AGBL4: variants seen among roughly 807,000 people sequenced by gnomAD.
AGBL4 encodes the protein AGBL carboxypeptidase 4.
In AGBL4, 58 loss-of-function variants were observed where a neutral mutation model predicts 66.4. The ratio of observed to expected loss-of-function variants is 0.87; its 90% CI spans 0.71 to 1.09. The LOEUF is 1.09. Ranked by LOEUF, AGBL4 falls within the 50% of genes least tolerant of loss-of-function variation. The probability of loss-of-function intolerance (pLI) is 0.00; values close to 1 mark genes in which losing one functional copy is unlikely to be tolerated. For missense variants in AGBL4, 579 were observed against 631.0 expected (o/e 0.92, Z 0.88); for synonymous variants, 234 against 222.9 (o/e 1.05, Z -0.44).
chr1:49,500,983 C>T (rs191674453), intron 3 of AGBL4, among the ~76,000 whole-genome samples: 2 of 152,178 alleles, frequency 1.3e-5, no homozygotes, highest in East Asian at 3.9e-4. Context: ...ATCATTTTCA[C>T]AATATTAATT....
At chr1:48,804,872 A>T (rs1396658321) in intron 6 of AGBL4, among the ~76,000 whole-genome samples, 1 of 152,158 alleles carries the variant, frequency 6.6e-6, no homozygotes, top group Admixed American at 6.5e-5. Context: ...TTTACATTTC[A>T]GTTATTGTTT....
intron 2 of AGBL4, among the ~76,000 whole-genome samples, chr1:49,823,775 A>G (rs1645430819): frequency 2.6e-5 from 1 of 38,196 alleles, no homozygotes; most frequent in Admixed American, 3.3e-4. Context: ...TTAAGGCTGC[A>G]TAATGTGTGT....
intron 6 of AGBL4, among the ~76,000 whole-genome samples, chr1:48,774,697 C>G (rs893216308): frequency 6.6e-6 from 1 of 152,216 alleles, no homozygotes; most frequent in Non-Finnish European, 1.5e-5. Flanking sequence ...CTACATGTAT[C>G]TTGCTTCTGA....
At position 48,761,902 on chromosome 1, in the gene AGBL4, C is replaced by A. The variant is rs1442670285; in HGVS notation, c.635-98661G>T. Among the ~76,000 whole-genome samples the A allele has an allele frequency of 2.0e-5, 3 of 152,138 alleles. No individual in the cohort carries two copies. In the East Asian group the frequency reaches 5.8e-4, roughly 29 times the overall value. ...AGAACTTGGTGGGTTTCTGTCAGCT[C>A]AAGTGCCAATAGACATGAGAGAGCT... On this transcript the variant is annotated intron_variant, in intron 6 of 13. Transcript: ENST00000371839.
chr1:49,266,591 G>A (rs1455986720), intron 3 of AGBL4, among the ~76,000 whole-genome samples: 1 of 144,066 alleles, frequency 6.9e-6, no homozygotes, highest in Non-Finnish European at 1.5e-5. Context: ...GCCCTTAAGT[G>A]AGGAAAATAA....
intron 4 of AGBL4, among the ~76,000 whole-genome samples, chr1:49,224,619 A>G (rs1219340865): frequency 7.1e-6 from 1 of 141,326 alleles, no homozygotes; most frequent in African/African-American, 2.5e-5. Context: ...TCCCTCTCAA[A>G]AAAAAAAAAA....
chr1:49,124,081 C>A (rs991333823), intron 4 of AGBL4, among the ~76,000 whole-genome samples: 1 of 152,074 alleles, frequency 6.6e-6, no homozygotes, highest in Non-Finnish European at 1.5e-5. Flanking sequence ...CAGCTGGAGG[C>A]CTTGGAGGTG....
intron 1 of AGBL4, among the ~76,000 whole-genome samples, chr1:49,900,624 A>C (rs970564625): frequency 6.6e-6 from 1 of 152,198 alleles, no homozygotes; most frequent in East Asian, 1.9e-4. Flanking sequence ...CCTGAGATGA[A>C]GCAAATATCA....
intron 1 of AGBL4, among the ~76,000 whole-genome samples, chr1:49,969,440 A>G (rs1042754492): frequency 5.9e-5 from 9 of 152,142 alleles, no homozygotes; most frequent in African/African-American, 2.2e-4. Flanking sequence ...TATTAACTAT[A>G]GACACCATGC....
At chr1:48,886,500 T>C (rs12085299) in intron 5 of AGBL4, among the ~76,000 whole-genome samples, 22 of 152,160 alleles carry the variant, frequency 1.4e-4, no homozygotes, top group African/African-American at 4.6e-4. Context: ...GGCGTCACAC[T>C]TCTCCGGGAG....
At chr1:49,848,063 T>C (rs1557509106) in intron 2 of AGBL4, among the ~76,000 whole-genome samples, 1 of 152,090 alleles carries the variant, frequency 6.6e-6, no homozygotes, top group African/African-American at 2.4e-5. Flanking sequence ...AAAACTACAA[T>C]GAGATATCTT....
At chr1:49,645,928 T>C (rs1174089694) in intron 3 of AGBL4, among the ~76,000 whole-genome samples, 1 of 151,560 alleles carries the variant, frequency 6.6e-6, no homozygotes, top group Non-Finnish European at 1.5e-5. Flanking sequence ...AAAACCCATA[T>C]GATTACCTAA....
chr1:49,129,357 C>T (rs1645835872), intron 4 of AGBL4, among the ~76,000 whole-genome samples: 1 of 151,658 alleles, frequency 6.6e-6, no homozygotes, highest in African/African-American at 2.4e-5. Flanking sequence ...TACATGTGCA[C>T]AATGTGCAGG....
intron 1 of AGBL4, among the ~76,000 whole-genome samples, chr1:49,987,247 A>G (rs1363094628): frequency 6.6e-6 from 1 of 152,094 alleles, no homozygotes; most frequent in Non-Finnish European, 1.5e-5. Context: ...AACAGTCTCA[A>G]TCATAAGAGT....
chr1:49,018,577 A>C (rs943053444), intron 5 of AGBL4, among the ~76,000 whole-genome samples: 8 of 152,186 alleles, frequency 5.3e-5, no homozygotes, highest in African/African-American at 1.9e-4. Flanking sequence ...CCTTAGAAAG[A>C]CACACACATT....
intron 3 of AGBL4, among the ~76,000 whole-genome samples, chr1:49,246,535 A>G (rs1410372754): frequency 6.6e-6 from 1 of 151,902 alleles, no homozygotes; most frequent in African/African-American, 2.4e-5. Context: ...ATACGTTTAT[A>G]GCGCCATAAG....
chr1:49,546,665 T>C (rs1570997298), intron 3 of AGBL4, among the ~76,000 whole-genome samples: 1 of 152,158 alleles, frequency 6.6e-6, no homozygotes, highest in African/African-American at 2.4e-5. Context: ...CATGCCAACA[T>C]CTACTGTTTT....
At chr1:49,220,518 A>G (rs1649415205) in intron 4 of AGBL4, among the ~76,000 whole-genome samples, 1 of 152,162 alleles carries the variant, frequency 6.6e-6, no homozygotes, top group South Asian at 2.1e-4. Context: ...AGCTTAATAT[A>G]ATTCTTGGCA....
intron 3 of AGBL4, among the ~76,000 whole-genome samples, chr1:49,652,150 A>C (rs1334588509): frequency 6.6e-6 from 1 of 151,948 alleles, no homozygotes; most frequent in Non-Finnish European, 1.5e-5. Flanking sequence ...AAAACAAAGC[A>C]AAAAAAATTT....
Sources: gnomAD v4.1 joint callset for allele counts (sites outside exome capture counted in the v4.1 genomes callset) on GRCh38, gnomAD v4.1.1 for gene constraint, MANE v1.5 for transcripts, NCBI Gene and HGNC (gene_info 2026-07-23, HGNC 2026-07-21) for gene names.